Variants in TACC2 observed in about 807,000 individuals in gnomAD.
TACC2 encodes transforming acidic coiled-coil-containing protein 2.
In TACC2, 137 loss-of-function variants were observed where a neutral mutation model predicts 227.3. The ratio of observed to expected loss-of-function variants is 0.60; its 90% confidence interval spans 0.52 to 0.69. The LOEUF is 0.69. Among genes scored for constraint, TACC2 ranks in the 30% least tolerant of loss-of-function variants. The probability of loss-of-function intolerance (pLI) is 0.00; values close to 1 mark genes in which losing one functional copy is unlikely to be tolerated. For missense variants in TACC2, 3,470 were observed against 3,694.4 expected (o/e 0.94, Z 1.57); for synonymous variants, 1,523 against 1,487.5 (o/e 1.02, Z -0.55).
chr10:122,085,454 G>T lies in TACC2; in HGVS notation c.2954G>T (p.Cys985Phe). Residue 985 changes from cysteine (C) to phenylalanine (F), a missense_variant, in exon 4 of 23, where the codon TGC (cysteine) becomes TTC (phenylalanine). Transcript: ENST00000369005. ...AACTTCAGCAGAAAGGAAACTTGCTGCACTGGGCAGGGGCCAAACAAGTCT... is the reference window on the plus strand; with the variant it reads ...AACTTCAGCAGAAAGGAAACTTGCTTCACTGGGCAGGGGCCAAACAAGTCT... ...AGNFSRKETC[C>F]TGQGPNKSQQ... The T allele has an allele frequency of 6.2e-7, 1 of 1,613,808 alleles. No individual in the cohort carries two copies.
chr10:122,235,091 T>C (rs1176889468), intron 16 of TACC2, among the ~76,000 whole-genome samples: 2 of 152,320 alleles, frequency 1.3e-5, no homozygotes, highest in South Asian at 2.1e-4. Context: ...CCTTTGCCTT[T>C]TTAAAATTTT....
chr10:122,128,903 G>A (rs1032552238), intron 5 of TACC2, among the ~76,000 whole-genome samples: 3 of 151,582 alleles, frequency 2.0e-5, no homozygotes, highest in South Asian at 2.1e-4. Context: ...TCACGTGCTC[G>A]TGTGTGTATG....
Position 122,085,264 on chromosome 10 carries a change from G to A in TACC2, c.2764G>A (p.Val922Ile), listed in dbSNP as rs771308641. ...DTPTSSPTDMVWESSLTEESE... is the reference protein window; with the variant it reads ...DTPTSSPTDMIWESSLTEESE... ...TCCAACTTCATCTCCCACTGACATGGTTTGGGAGAGTTCTCTGACAGAAGA... is the reference window on the plus strand; with the variant it reads ...TCCAACTTCATCTCCCACTGACATGATTTGGGAGAGTTCTCTGACAGAAGA... The change falls in exon 4 of 23, where the codon GTT (valine) becomes ATT (isoleucine). Residue 922 changes from valine (V) to isoleucine (I), a missense_variant. By Grantham distance (29) the Val-to-Ile change is conservative. This residue lies in a region of TACC2 where 1,924 missense variants were observed against 1,978.3 expected (regional missense o/e 0.97). Coordinates refer to ENST00000369005, the MANE Select transcript of TACC2 (RefSeq NM_206862.4). The A allele has an allele frequency of 1.5e-5, 24 of 1,613,964 alleles. No individual in the cohort carries two copies. Among genetic ancestry groups the A allele is most frequent in the Non-Finnish European group, 1.9e-5 (23 of 1,180,044 alleles).
chr10:122,240,565 A>G (rs765850349), intron 18 of TACC2, among the ~76,000 whole-genome samples: 17 of 152,260 alleles, frequency 1.1e-4, no homozygotes, highest in South Asian at 2.1e-4. Context: ...TACTCTACCA[A>G]GGAGTAAGCA....
chr10:122,015,318 A>G (rs1956459384), intron 1 of TACC2, among the ~76,000 whole-genome samples: 1 of 152,082 alleles, frequency 6.6e-6, no homozygotes, highest in South Asian at 2.1e-4. Context: ...CAGCCTGCCC[A>G]ACATGGTGAA....
At chr10:122,149,906 A>C (rs2091852937) in intron 7 of TACC2, among the ~76,000 whole-genome samples, 1 of 152,168 alleles carries the variant, frequency 6.6e-6, no homozygotes. Flanking sequence ...GACTGAGCAT[A>C]ACTACGCTGA....
intron 2 of TACC2, among the ~76,000 whole-genome samples, chr10:122,039,539 G>A (rs752268947): frequency 8.5e-5 from 13 of 152,124 alleles, no homozygotes; most frequent in Non-Finnish European, 1.8e-4. Flanking sequence ...GAGATGTGGG[G>A]TTGGGGGACA....
rs2095273156 is a variant in TACC2 at position 122,210,787 on chromosome 10, C to T, written c.6362C>T (p.Ser2121Phe). The change falls in exon 9 of 23, where the codon TCT becomes TTT. Residue 2121 changes from serine to phenylalanine, a missense_variant. Physicochemically the swap from Ser to Phe is radical, Grantham distance 155. Coordinates refer to ENST00000369005, the MANE Select transcript of TACC2 (RefSeq NM_206862.4). The surrounding 1 kb of genome is among the most constrained non-coding windows in gnomAD (Gnocchi z 4.6). ...TATAGCACGGGTTCCAGCAGTGCTT[C>T]TAGTACCCTTAAGCGAACTAAAAAA... is the stretch of plus-strand genomic sequence containing the variant. ...DAYSTGSSSASSTLKRTKKPR... is the reference protein window; with the variant it reads ...DAYSTGSSSAFSTLKRTKKPR... 1.2e-6 allele frequency: 2 copies of T among 1,613,668 alleles called. No homozygotes were observed. The highest frequency in any genetic ancestry group is 2.7e-5 in the African/African-American group (2 of 74,862).
intron 11 of TACC2, among the ~76,000 whole-genome samples, chr10:122,219,293 C>T (rs889125386): frequency 3.9e-5 from 6 of 152,016 alleles, no homozygotes; most frequent in African/African-American, 1.5e-4. Flanking sequence ...CAGCCTTTCC[C>T]TGGAATTCCG....
chr10:122,163,310 C>G (rs1164916899), intron 7 of TACC2: 1 of 152,226 alleles, frequency 6.6e-6, no homozygotes, highest in Non-Finnish European at 1.5e-5. Flanking sequence ...AGGGATGAGC[C>G]AACAGGGCTG....
Position 121,989,233 on chromosome 10 carries a change from T to C in TACC2, c.-301T>C, listed in dbSNP as rs1952936868. 6.6e-6 allele frequency: 1 copy of C among 152,242 alleles called. No homozygotes were observed. The highest frequency in any genetic ancestry group is 2.1e-4 in the South Asian group (1 of 4,826). 9.4% of individuals were successfully genotyped at this position (152,242 alleles called of 1,614,324 possible). On this transcript the variant is annotated 5_prime_UTR_variant, in exon 1 of 23. Coordinates refer to ENST00000369005, the MANE Select transcript of TACC2 (RefSeq NM_206862.4). ...CGCAAATCCCAGAACCGTGCCAACA[T>C]ATAAAACCCCACATTAAGGGTTGTA... is the stretch of plus-strand genomic sequence containing the variant.
chr10:122,109,126 C>T (rs1231659752), intron 5 of TACC2, among the ~76,000 whole-genome samples: 1 of 141,304 alleles, frequency 7.1e-6, no homozygotes, highest in African/African-American at 2.5e-5. Flanking sequence ...CATGCATGTA[C>T]AAGTATCTTT....
At chr10:122,029,283 G>A (rs1225708065) in intron 2 of TACC2, among the ~76,000 whole-genome samples, 1 of 151,716 alleles carries the variant, frequency 6.6e-6, no homozygotes, top group Non-Finnish European at 1.5e-5. Context: ...TGCATCAATC[G>A]ATGTAATTGT....
chr10:122,210,957 G>A lies in TACC2; in HGVS notation c.6532G>A (p.Ala2178Thr), dbSNP rs1171725889. Residue 2178 changes from alanine (A) to threonine (T), a missense_variant, in exon 9 of 23, where the codon GCC becomes ACC. Ala to Thr is a moderately conservative substitution (Grantham distance 58). Coordinates refer to ENST00000369005, the MANE Select transcript of TACC2 (RefSeq NM_206862.4). The surrounding 1 kb of genome is among the most constrained non-coding windows in gnomAD (Gnocchi z 4.6). Reference sequence around the variant, plus strand: ...AGCATCTGAGACGAAAACGGAATCTGCCAAGACGGAAGGTCCTAGCCCAGC... The same window carrying A: ...AGCATCTGAGACGAAAACGGAATCTACCAAGACGGAAGGTCCTAGCCCAGC... The part of the protein sequence containing the change: ...NLASETKTES[A>T]KTEGPSPALL... The A allele has an allele frequency of 6.2e-7, 1 of 1,614,008 alleles. No individual in the cohort carries two copies. Among genetic ancestry groups the A allele is most frequent in the Non-Finnish European group, 8.5e-7 (1 of 1,179,990 alleles).
chr10:122,106,759 C>G (rs1286777936), intron 5 of TACC2, among the ~76,000 whole-genome samples: 2 of 152,150 alleles, frequency 1.3e-5, no homozygotes, highest in East Asian at 3.8e-4. Flanking sequence ...AACAGACCAC[C>G]CAATACAAGA....
chr10:122,189,541 G>T (rs912915637), intron 7 of TACC2, among the ~76,000 whole-genome samples: 1 of 152,176 alleles, frequency 6.6e-6, no homozygotes, highest in East Asian at 1.9e-4. Flanking sequence ...GGAAGCCCCT[G>T]TCTTTGGCCT....
Position 122,143,692 on chromosome 10 carries a change from C to T in TACC2, c.5820C>T (p.Ala1940=), listed in dbSNP as rs182296008. Residue 1940 remains alanine (A), a synonymous_variant, in exon 7 of 23, where the codon GCC becomes GCT. Transcript: ENST00000369005. ...EASTPSCPDP[A]KDLSRSSDSE... is the part of the protein sequence containing the mutation. The stretch of plus-strand genomic sequence containing the variant: ...CCACTCCCTCCTGCCCAGATCCGGC[C>T]AAGGACCTCAGCAGGTATTGCGCAA... 1.7e-5 allele frequency: 27 copies of T among 1,614,086 alleles called. No individual in the cohort carries two copies. Among genetic ancestry groups the T allele is most frequent in the Non-Finnish European group, 3.4e-6 (4 of 1,179,988 alleles).
At chr10:122,171,006 G>A (rs1045138619) in intron 7 of TACC2, among the ~76,000 whole-genome samples, 22 of 81,318 alleles carry the variant, frequency 2.7e-4, no homozygotes, top group Non-Finnish European at 5.2e-4. Context: ...GAGGAGGCTG[G>A]TGTGTGGCTG....
intron 1 of TACC2, among the ~76,000 whole-genome samples, chr10:122,008,811 G>A (rs562873559): frequency 1.3e-4 from 20 of 152,204 alleles, no homozygotes; most frequent in African/African-American, 3.9e-4. Flanking sequence ...GACCTCAAGC[G>A]ATCCACTCAC....
Sources: gnomAD v4.1 joint callset for allele counts (sites outside exome capture counted in the v4.1 genomes callset) on GRCh38, gnomAD v4.1.1 for gene constraint, gnomAD v4.1.1 regional missense constraint, Gnocchi (gnomAD v3.1) non-coding constraint, MANE v1.5 for transcripts, NCBI Gene and HGNC (gene_info 2026-07-23, HGNC 2026-07-21) for gene names.